Variants in IGSF11 observed in about 807,000 individuals in gnomAD.
IGSF11 encodes the protein immunoglobulin superfamily member 11, also known as CXADR like 1.
IGSF11 carries 22 observed loss-of-function variants against 41.0 expected under a neutral mutation model. The observed-to-expected ratio is 0.54, with a 90% CI of 0.38 to 0.77. The LOEUF is 0.77. Among genes scored for constraint, IGSF11 ranks in the 30% least tolerant of loss-of-function variants. IGSF11 has a pLI of 0.00. For synonymous variants in IGSF11, 219 were observed against 201.3 expected, an observed-to-expected ratio of 1.09 and a Z score of -0.74; for missense variants, 444 against 530.8, an observed-to-expected ratio of 0.84 and a Z score of 1.61.
chr3:119,085,042 G>A (rs924880275), intron 1 of IGSF11, among the ~76,000 whole-genome samples: 1 of 152,176 alleles, frequency 6.6e-6, no homozygotes, highest in Admixed American at 6.5e-5. Context: ...GACCTCTTCT[G>A]GAGGGAGCCT....
At chr3:119,054,542 A>G (rs892457294) in intron 1 of IGSF11, among the ~76,000 whole-genome samples, 1 of 152,210 alleles carries the variant, frequency 6.6e-6, no homozygotes, top group Non-Finnish European at 1.5e-5. Context: ...AAATGTTGGC[A>G]TGGATCTGGT....
Position 118,982,259 on chromosome 3 carries a change from A to G in IGSF11, c.53-51984T>C, listed in dbSNP as rs373721655. ...CAGGGCAGAGCTAGAGTTTCTAGCAACTCTCCAGAGAGAGACCACAATACC... is the reference window on the plus strand; with the variant it reads ...CAGGGCAGAGCTAGAGTTTCTAGCAGCTCTCCAGAGAGAGACCACAATACC... On this transcript the variant is annotated intron_variant, in intron 1 of 6. Transcript: ENST00000393775. Among the ~76,000 whole-genome samples the G allele has an allele frequency of 3.8e-4, 58 of 152,230 alleles. No homozygotes were observed. In the East Asian group the frequency reaches 7.5e-3, roughly 20 times the overall value.
At chr3:119,068,188 G>T (rs1185170198) in intron 1 of IGSF11, among the ~76,000 whole-genome samples, 2 of 152,186 alleles carry the variant, frequency 1.3e-5, no homozygotes, top group Non-Finnish European at 2.9e-5. Flanking sequence ...AGCAGAAAAG[G>T]CATACCAGCA....
intron 4 of IGSF11, among the ~76,000 whole-genome samples, chr3:118,911,808 A>G (rs1394515686): frequency 6.6e-6 from 1 of 152,068 alleles, no homozygotes. Context: ...AGTCCTTCCT[A>G]TCAGTTTTGG....
intron 1 of IGSF11, among the ~76,000 whole-genome samples, chr3:119,090,393 A>G (rs1288989173): frequency 6.6e-6 from 1 of 152,224 alleles, no homozygotes; most frequent in Non-Finnish European, 1.5e-5. Flanking sequence ...TCTAAAATTC[A>G]TATGGAACAA....
chr3:119,132,022 G>C (rs2077489364), intron 1 of IGSF11, among the ~76,000 whole-genome samples: 1 of 152,094 alleles, frequency 6.6e-6, no homozygotes, highest in African/African-American at 2.4e-5. Context: ...GTCACCACCA[G>C]GCCTACCTTA....
chr3:118,908,010 C>T (rs79009885), intron 4 of IGSF11, among the ~76,000 whole-genome samples: 5,604 of 152,236 alleles, frequency 0.037, 137 homozygotes, highest in Non-Finnish European at 0.057. Context: ...GGGCAATCAA[C>T]CACATAATTT....
intron 1 of IGSF11, among the ~76,000 whole-genome samples, chr3:118,958,377 G>A (rs192600994): frequency 2.6e-5 from 4 of 152,212 alleles, no homozygotes; most frequent in African/African-American, 4.8e-5. Context: ...AAAGTGAAAA[G>A]GACAGGGAAC....
chr3:118,975,716 A>T (rs1460018604), intron 1 of IGSF11, among the ~76,000 whole-genome samples: 1 of 152,254 alleles, frequency 6.6e-6, no homozygotes, highest in Non-Finnish European at 1.5e-5. Context: ...TGTCCTTTGC[A>T]GCAACATGGA....
intron 1 of IGSF11, among the ~76,000 whole-genome samples, chr3:119,110,514 A>G (rs2077132687): frequency 6.6e-6 from 1 of 152,234 alleles, no homozygotes; most frequent in South Asian, 2.1e-4. Flanking sequence ...TCCTGAATAC[A>G]GCACACTGAT....
intron 1 of IGSF11, among the ~76,000 whole-genome samples, chr3:119,073,506 G>T (rs2076437739): frequency 1.3e-5 from 2 of 152,228 alleles, no homozygotes; most frequent in South Asian, 2.1e-4. Context: ...CCACCGTGGG[G>T]GGGCTCGGGC....
chr3:119,137,203 C>CA (rs545917646), intron 1 of IGSF11, among the ~76,000 whole-genome samples: 71 of 151,890 alleles, frequency 4.7e-4, no homozygotes, highest in Admixed American at 2.8e-3. Flanking sequence ...TTATATTCTT[C>CA]ACAGAAATAA....
intron 1 of IGSF11, among the ~76,000 whole-genome samples, chr3:119,102,170 T>C (rs2076949743): frequency 6.6e-6 from 1 of 152,226 alleles, no homozygotes. Context: ...CCACTCCTTT[T>C]GCCATAATTT....
At chr3:119,068,001 T>G (rs1559848236) in intron 1 of IGSF11, among the ~76,000 whole-genome samples, 1 of 152,232 alleles carries the variant, frequency 6.6e-6, no homozygotes, top group Non-Finnish European at 1.5e-5. Context: ...CCCTAGTAGA[T>G]TCTAATGAGT....
At chr3:118,931,367 C>T (rs1942834031) in intron 1 of IGSF11, among the ~76,000 whole-genome samples, 1 of 152,162 alleles carries the variant, frequency 6.6e-6, no homozygotes, top group Non-Finnish European at 1.5e-5. Flanking sequence ...TTCATAACAG[C>T]ATTATTTATA....
chr3:119,051,176 TA>T, intron 1 of IGSF11, among the ~76,000 whole-genome samples: 1 of 149,930 alleles, frequency 6.7e-6, no homozygotes, highest in South Asian at 2.1e-4. Flanking sequence ...AATAAATAAA[TA>T]AATTTCAAAA....
intron 1 of IGSF11, among the ~76,000 whole-genome samples, chr3:119,069,290 G>C (rs1942330579): frequency 6.6e-6 from 1 of 152,054 alleles, no homozygotes; most frequent in African/African-American, 2.4e-5. Context: ...ATTTTAGTAG[G>C]TTGGGTTGGT....
chr3:119,084,431 T>C (rs1369574), intron 1 of IGSF11, among the ~76,000 whole-genome samples: 118,609 of 152,048 alleles, frequency 0.78, 46,695 homozygotes, highest in African/African-American at 0.9. Context: ...ACATCCCCCA[T>C]AGATGCTTGA....
intron 1 of IGSF11, among the ~76,000 whole-genome samples, chr3:119,081,385 C>T (rs528225606): frequency 7.9e-5 from 12 of 152,156 alleles, no homozygotes; most frequent in Non-Finnish European, 1.8e-4. Context: ...GTGCTCTACT[C>T]GATCATTGTC....
Sources: gnomAD v4.1 joint callset for allele counts (sites outside exome capture counted in the v4.1 genomes callset) on GRCh38, gnomAD v4.1.1 for gene constraint, MANE v1.5 for transcripts, NCBI Gene and HGNC (gene_info 2026-07-23, HGNC 2026-07-21) for gene names.